ERCC6L: variants seen among roughly 807,000 people sequenced by gnomAD.
ERCC6L encodes the protein DNA excision repair protein ERCC-6-like.
Under a neutral mutation model 20.1 loss-of-function variants are expected in ERCC6L, and 7 were observed. That is an observed-to-expected ratio of 0.35 (90% CI 0.20 to 0.65). ERCC6L has a LOEUF of 0.65. Ranked by LOEUF, ERCC6L falls within the 30% of genes least tolerant of loss-of-function variation. The probability of loss-of-function intolerance (pLI) is 0.69; values close to 1 mark genes in which losing one functional copy is unlikely to be tolerated. For synonymous variants in ERCC6L, 278 were observed against 331.3 expected, an observed-to-expected ratio of 0.84 and a Z score of 1.75; for missense variants, 592 against 892.4, an observed-to-expected ratio of 0.66 and a Z score of 4.29.
intron 1 of ERCC6L, among the ~76,000 whole-genome samples, chrX:72,235,389 CTTTTTTTTTT>C (rs144267277): frequency 2.9e-5 from 2 of 68,554 alleles, no homozygotes; most frequent in East Asian, 6.8e-4. Flanking sequence ...CCCTCTTCCA[CTTTTTTTTTT>C]TTTTTTTTTT....
rs747415869 is a variant in ERCC6L at position 72,206,789 on chromosome X, T to C, written c.1978A>G (p.Ile660Val). 2.5e-6 allele frequency: 3 copies of C among 1,210,483 alleles called. No individual in the cohort carries two copies. The Admixed American group carries it at 6.5e-5, about 26-fold the overall frequency. ...RKSDIKLDEHIAYLQSLGIAG... is the reference protein window; with the variant it reads ...RKSDIKLDEHVAYLQSLGIAG... The stretch of plus-strand genomic sequence containing the variant: ...ATCCCCAAAGACTGCAGGTAGGCAA[T>C]ATGTTCATCTAGTTTTATATCAGAT... Residue 660 changes from isoleucine (I) to valine (V), a missense_variant, in exon 2 of 2, where the codon ATT becomes GTT. Physicochemically the swap from Ile to Val is conservative, Grantham distance 29. Coordinates refer to ENST00000334463, the MANE Select transcript of ERCC6L (RefSeq NM_017669.4).
At chrX:72,209,849 TG>T (rs1291339448) in intron 1 of ERCC6L, among the ~76,000 whole-genome samples, 1 of 111,603 alleles carries the variant, frequency 9.0e-6, no homozygotes, top group Non-Finnish European at 1.9e-5. Context: ...AATAATTCAC[TG>T]GGGAAGAAGT....
chrX:72,237,603 G>GAA (rs60931189), intron 1 of ERCC6L, among the ~76,000 whole-genome samples: 14 of 91,014 alleles, frequency 1.5e-4, no homozygotes, highest in South Asian at 1.1e-3. Flanking sequence ...ATCAAAAAAA[G>GAA]AAAAAAAAAA....
chrX:72,232,638 G>A (rs1312341295), intron 1 of ERCC6L, among the ~76,000 whole-genome samples: 8 of 110,703 alleles, frequency 7.2e-5, no homozygotes, highest in Admixed American at 5.8e-4. Flanking sequence ...ACGAAACCCC[G>A]TTTCTACTAA....
rs147364154 is a variant in ERCC6L, at chrX:72,205,281, C to A, written c.3486G>T (p.Thr1162=). 1 of 1,211,871 alleles carries A rather than the reference C, an allele frequency of 8.3e-7. No individual in the cohort carries two copies. The highest frequency in any genetic ancestry group is 1.1e-6 in the Non-Finnish European group (1 of 895,554). The change falls in exon 2 of 2, where the codon ACG becomes ACT. Residue 1162 remains threonine (T), a synonymous_variant. Transcript: ENST00000334463. ...CTTGAGCTAGAGCACTAGGCTTAGA[C>A]GTCATTAACCAGCTGGACTTGTTTT... The part of the protein sequence containing the change: ...SSENKSSWLM[T]SKPSALAQET...
chrX:72,225,168 T>C (rs1319270147), intron 1 of ERCC6L, among the ~76,000 whole-genome samples: 1 of 111,848 alleles, frequency 8.9e-6, no homozygotes, highest in East Asian at 2.8e-4. Flanking sequence ...AGATGCTTTT[T>C]TTACTATTCC....
chrX:72,237,171 C>T (rs1314628895), intron 1 of ERCC6L, among the ~76,000 whole-genome samples: 2 of 111,582 alleles, frequency 1.8e-5, no homozygotes, highest in Non-Finnish European at 3.8e-5. Context: ...CTGCCTATTA[C>T]AACAAAAGTA....
rs2042806623 is a variant in ERCC6L, at chrX:72,204,886, G to C, written c.*128C>G. The C allele has an allele frequency of 2.0e-6, 1 of 510,448 alleles. No individual in the cohort carries two copies. Among genetic ancestry groups the C allele is most frequent in the South Asian group, 4.3e-5 (1 of 23,379 alleles). 42.1% of individuals were successfully genotyped at this position (510,448 alleles called of 1,213,427 possible). A position where few individuals can be genotyped will look rare whatever the true frequency, so the allele number is the denominator to read the frequency against. ...ATGGAGTGGGGGGCGTTGCAGGGCA[G>C]AAGTTGCTTTTTGAGATCTTTCTTG... On this transcript the variant is annotated 3_prime_UTR_variant, in exon 2 of 2. Coordinates refer to ENST00000334463, the MANE Select transcript of ERCC6L (RefSeq NM_017669.4).
Position 72,207,157 on chromosome X carries a change from T to C in ERCC6L, c.1610A>G (p.Gln537Arg), listed in dbSNP as rs1174231068. 8.3e-7 allele frequency: 1 copy of C among 1,211,153 alleles called. No homozygotes were observed. Among genetic ancestry groups the C allele is most frequent in the Admixed American group, 2.2e-5 (1 of 45,948 alleles). Residue 537 changes from glutamine to arginine, a missense_variant, in exon 2 of 2, where the codon CAA becomes CGA. This residue lies in a region of ERCC6L where 196 missense variants were observed against 440.1 expected (regional missense o/e 0.45). Transcript: ENST00000334463. The stretch of plus-strand genomic sequence containing the variant: ...TAATGTTAAACCGACACCACCTACT[T>C]GAGTGGTAAGCAGAAAAACAGAGTA... ...KDYSVFLLTT[Q>R]VGGVGLTLTA...
chrX:72,228,407 T>C (rs973623572), intron 1 of ERCC6L, among the ~76,000 whole-genome samples: 1 of 111,745 alleles, frequency 8.9e-6, no homozygotes, highest in African/African-American at 3.3e-5. Flanking sequence ...CTGGTTTCAT[T>C]ATACTTCTCT....
Position 72,206,520 on chromosome X carries a change from T to C in ERCC6L, c.2247A>G (p.Lys749=), listed in dbSNP as rs1445431414. 3.3e-6 allele frequency: 4 copies of C among 1,211,456 alleles called. No individual in the cohort carries two copies. Among genetic ancestry groups the C allele is most frequent in the Non-Finnish European group, 4.5e-6 (4 of 895,492 alleles). Residue 749 remains lysine, a synonymous_variant, in exon 2 of 2, where the codon AAA becomes AAG. Coordinates refer to ENST00000334463, the MANE Select transcript of ERCC6L (RefSeq NM_017669.4). The stretch of plus-strand genomic sequence containing the variant: ...GAAGAGGTGAAGGCTGAGGCTGTGG[T>C]TTATTCAATTTAGGGCATTTCTTCT... ...STKKKCPKLN[K]PQPQPSPLLS... is the part of the protein sequence containing the mutation.
At chrX:72,236,059 A>G (rs1239128582) in intron 1 of ERCC6L, among the ~76,000 whole-genome samples, 1 of 112,247 alleles carries the variant, frequency 8.9e-6, no homozygotes, top group Non-Finnish European at 1.9e-5. Context: ...ATAGGTCCCA[A>G]CAATATCAAA....
In ERCC6L at chrX:72,205,353, G is replaced by C. The variant is rs766548767; in HGVS notation, c.3414C>G (p.Ala1138=). The C allele has an allele frequency of 2.5e-6, 3 of 1,210,426 alleles. No homozygotes were observed. In the African/African-American group the frequency reaches 5.2e-5, roughly 21 times the overall value. The change falls in exon 2 of 2, where the codon GCC becomes GCG. Residue 1138 remains alanine, a synonymous_variant. Transcript: ENST00000334463. The part of the protein sequence containing the change: ...EEGVEESSGE[A]SKYTEEDPSG... ...AAGGATCCTCTTCTGTATACTTGGA[G>C]GCTTCGCCACTGCTTTCCTCCACCC...
intron 1 of ERCC6L, among the ~76,000 whole-genome samples, chrX:72,230,614 A>G (rs1186032786): frequency 8.9e-6 from 1 of 112,063 alleles, no homozygotes. Flanking sequence ...AAGTGTTGGC[A>G]AGGATGTGGA....
intron 1 of ERCC6L, among the ~76,000 whole-genome samples, chrX:72,231,351 C>CGGGG (rs2042982247): frequency 9.0e-6 from 1 of 111,131 alleles, no homozygotes; most frequent in South Asian, 3.8e-4. Context: ...CTCGCTTATA[C>CGGGG]ATGGAATCTA....
chrX:72,234,301 G>A (rs2043004156), intron 1 of ERCC6L, among the ~76,000 whole-genome samples: 1 of 111,872 alleles, frequency 8.9e-6, no homozygotes, highest in Non-Finnish European at 1.9e-5. Context: ...TGAATCATGT[G>A]TTTCATGGAG....
intron 1 of ERCC6L, among the ~76,000 whole-genome samples, chrX:72,221,967 C>G (rs774291589): frequency 9.1e-6 from 1 of 109,707 alleles, no homozygotes; most frequent in Non-Finnish European, 1.9e-5. Flanking sequence ...GCAGATGAAC[C>G]CCCTTCGTAT....
rs1384984139 is a variant in ERCC6L, at chrX:72,224,176, A to T, written c.68+14668T>A. Among the ~76,000 whole-genome samples the T allele has an allele frequency of 4.5e-5, 5 of 111,422 alleles. No homozygotes were observed. In the East Asian group the frequency reaches 1.4e-3, roughly 31 times the overall value. ...TACTGGGGCGAGCCTATCAGTATTA[A>T]CTGAATATCAAGGCCCACTAGAATG... On this transcript the variant is annotated intron_variant, in intron 1 of 1. Coordinates refer to ENST00000334463, the MANE Select transcript of ERCC6L (RefSeq NM_017669.4).
chrX:72,205,473 A>G lies in ERCC6L; in HGVS notation c.3294T>C (p.Ser1098=). Residue 1098 remains serine, a synonymous_variant, in exon 2 of 2, where the codon TCT becomes TCC. Transcript: ENST00000334463. ...CGTGGTCTAAAACCATATTAATAAG[A>G]GACCTCCTAGAAGCCAGAGATCTTC... ...NSRRSLASRR[S]LINMVLDHVE... is the part of the protein sequence containing the mutation. 4.1e-6 allele frequency: 5 copies of G among 1,211,539 alleles called. No individual in the cohort carries two copies. The highest frequency in any genetic ancestry group is 5.6e-6 in the Non-Finnish European group (5 of 895,376).
Sources: gnomAD v4.1 joint callset for allele counts (sites outside exome capture counted in the v4.1 genomes callset) on GRCh38, gnomAD v4.1.1 for gene constraint, gnomAD v4.1.1 regional missense constraint, MANE v1.5 for transcripts, NCBI Gene and HGNC (gene_info 2026-07-23, HGNC 2026-07-21) for gene names.